The following TPD52 variants were observed in gnomAD, a reference collection of about 807,000 sequenced individuals.
The protein encoded by TPD52 is tumor protein D52, also known as prostate and colon associated protein.
Under a neutral mutation model 31.3 loss-of-function variants are expected in TPD52, and 17 were observed. That is an observed-to-expected ratio of 0.54 (90% CI 0.37 to 0.82). The LOEUF is 0.82. TPD52 is among the 40% of genes least tolerant of loss of function. The pLI is 0.00. For synonymous variants in TPD52, 83 were observed against 89.6 expected, an observed-to-expected ratio of 0.93 and a Z score of 0.42; for missense variants, 212 against 240.1, an observed-to-expected ratio of 0.88 and a Z score of 0.77.
chr8:80,127,053 G>A (rs916565531), intron 1 of TPD52, among the ~76,000 whole-genome samples: 4 of 151,856 alleles, frequency 2.6e-5, no homozygotes, highest in African/African-American at 7.3e-5. Flanking sequence ...AGGCTGCAGG[G>A]AGCTGAGATC....
intron 1 of TPD52, among the ~76,000 whole-genome samples, chr8:80,072,735 A>C (rs1341114744): frequency 6.7e-6 from 1 of 150,070 alleles, no homozygotes; most frequent in South Asian, 2.1e-4. Flanking sequence ...ATATACATAT[A>C]TATACACACA....
At position 80,171,055 on chromosome 8, in the gene TPD52, C is replaced by A. The variant is rs535639551; in HGVS notation, c.19+370G>T. The A allele has an allele frequency of 2.3e-4, 122 of 535,420 alleles. 1 individual carries two copies. The highest frequency in any genetic ancestry group is 2.2e-3 in the South Asian group (113 of 52,320). 33.2% of individuals were successfully genotyped at this position (535,420 alleles called of 1,614,324 possible). On this transcript the variant is annotated intron_variant, in intron 1 of 7. Transcript: ENST00000518937. ...CGAGAGCGACTCACTGTCCTCTGTT[C>A]CTGGTTCCAGTCACTTACAGGAGCT... is the stretch of plus-strand genomic sequence containing the variant.
chr8:80,054,123 G>T (rs754193353), intron 2 of TPD52, among the ~76,000 whole-genome samples: 3 of 152,160 alleles, frequency 2.0e-5, no homozygotes, highest in Non-Finnish European at 2.9e-5. Flanking sequence ...AAGAGCCAGT[G>T]GATGAGCCCA....
intron 1 of TPD52, among the ~76,000 whole-genome samples, chr8:80,154,717 AC>A (rs1810810772): frequency 1.5e-5 from 1 of 67,356 alleles, no homozygotes; most frequent in East Asian, 1.2e-3. Context: ...ACACACACAC[AC>A]ACACACACAC....
At chr8:80,146,279 T>C (rs1810189258) in intron 1 of TPD52, among the ~76,000 whole-genome samples, 2 of 152,224 alleles carry the variant, frequency 1.3e-5, no homozygotes, top group South Asian at 2.1e-4. Context: ...AAGTGAGCCA[T>C]TGTTGCTAAG....
At chr8:80,116,034 C>T (rs1203602807) in intron 1 of TPD52, among the ~76,000 whole-genome samples, 1 of 152,116 alleles carries the variant, frequency 6.6e-6, no homozygotes, top group East Asian at 1.9e-4. Context: ...AGTGCAAACT[C>T]TATAAAGGAT....
At chr8:80,040,602 A>C (rs1025746707) in intron 7 of TPD52, among the ~76,000 whole-genome samples, 1 of 152,216 alleles carries the variant, frequency 6.6e-6, no homozygotes, top group South Asian at 2.1e-4. Context: ...GAGAGTATAT[A>C]GTGAATGACC....
chr8:80,069,296 T>C (rs1453532962), intron 1 of TPD52, among the ~76,000 whole-genome samples: 1 of 151,700 alleles, frequency 6.6e-6, no homozygotes, highest in African/African-American at 2.4e-5. Context: ...AGATCCTGTC[T>C]CTACAAAAAC....
In TPD52 at chr8:80,171,149, A is replaced by G. The variant is rs1445135034; in HGVS notation, c.19+276T>C. 6 of 686,580 alleles carry G rather than the reference A, an allele frequency of 8.7e-6. No homozygotes were observed. The East Asian group carries it at 1.4e-4, about 16-fold the overall frequency. The allele number at this position is 686,580 out of a possible 1,614,324, so 42.5% of individuals were successfully genotyped here. A position where few individuals can be genotyped will look rare whatever the true frequency, so the allele number is the denominator to read the frequency against. On this transcript the variant is annotated intron_variant, in intron 1 of 7. Transcript: ENST00000518937. ...ATCACGGCCGCCAGCCCCTGACGCT[A>G]GCCCCTTCGCCACCTCCCAGAACCT...
At chr8:80,114,106 G>A (rs1325666813) in intron 1 of TPD52, among the ~76,000 whole-genome samples, 2 of 152,144 alleles carry the variant, frequency 1.3e-5, no homozygotes. Context: ...TTAGCTGGGT[G>A]TGGCAGTATA....
chr8:80,114,822 G>A (rs1227285352), intron 1 of TPD52, among the ~76,000 whole-genome samples: 2 of 152,108 alleles, frequency 1.3e-5, no homozygotes, highest in Non-Finnish European at 2.9e-5. Context: ...TCTCTGAAAC[G>A]GTGTCTGTTT....
At chr8:80,146,163 C>A (rs930476902) in intron 1 of TPD52, among the ~76,000 whole-genome samples, 1 of 152,192 alleles carries the variant, frequency 6.6e-6, no homozygotes, top group African/African-American at 2.4e-5. Context: ...TTTGGCTATA[C>A]ATACACGGAA....
At chr8:80,142,794 T>C (rs750964067) in intron 1 of TPD52, among the ~76,000 whole-genome samples, 12 of 152,086 alleles carry the variant, frequency 7.9e-5, no homozygotes, top group Non-Finnish European at 7.4e-5. Flanking sequence ...TAAAAGAGAA[T>C]AGGGAAGGAG....
chr8:80,137,099 A>G (rs890160541), intron 1 of TPD52, among the ~76,000 whole-genome samples: 3 of 152,250 alleles, frequency 2.0e-5, no homozygotes, highest in African/African-American at 7.2e-5. Flanking sequence ...ATAAAGCACA[A>G]TTAAATACAT....
chr8:80,038,247 G>A lies in TPD52; in HGVS notation c.505-12C>T. 1 of 1,609,658 alleles carries A rather than the reference G, an allele frequency of 6.2e-7. No individual in the cohort carries two copies. On this transcript the variant is annotated splice_polypyrimidine_tract_variant and intron_variant, in intron 7 of 7. Transcript: ENST00000518937. ...CCCCCTACTTTAGACTTAAAAAAAA[G>A]TTCAAAAAAGGGAAAGACATTATGA...
intron 1 of TPD52, among the ~76,000 whole-genome samples, chr8:80,136,024 C>G (rs906728814): frequency 8.0e-6 from 1 of 125,670 alleles, no homozygotes; most frequent in African/African-American, 3.0e-5. Context: ...GGAGATATAC[C>G]TAATGCTAGA....
At chr8:80,126,572 C>A (rs1808624443) in intron 1 of TPD52, among the ~76,000 whole-genome samples, 2 of 150,400 alleles carry the variant, frequency 1.3e-5, no homozygotes, top group Admixed American at 6.7e-5. Flanking sequence ...ACCTCCACCT[C>A]CTGGGTTCAA....
intron 1 of TPD52, among the ~76,000 whole-genome samples, chr8:80,128,899 A>G (rs1258144933): frequency 1.3e-5 from 2 of 151,798 alleles, no homozygotes; most frequent in Non-Finnish European, 2.9e-5. Flanking sequence ...TTTTTCAGGA[A>G]GAAATGCTAG....
intron 1 of TPD52, among the ~76,000 whole-genome samples, chr8:80,108,326 T>G (rs896167731): frequency 4.7e-4 from 71 of 152,330 alleles, no homozygotes; most frequent in African/African-American, 1.7e-3. Flanking sequence ...GAATAAAAGT[T>G]TAAAACTTTT....
Sources: gnomAD v4.1 joint callset for allele counts (sites outside exome capture counted in the v4.1 genomes callset) on GRCh38, gnomAD v4.1.1 for gene constraint, MANE v1.5 for transcripts, NCBI Gene and HGNC (gene_info 2026-07-23, HGNC 2026-07-21) for gene names.